INHA: variants seen among roughly 807,000 people sequenced by gnomAD.
The protein encoded by INHA is inhibin subunit alpha.
In INHA, 8 loss-of-function variants were observed where a neutral mutation model predicts 21.3. That is an observed-to-expected ratio of 0.38 (90% CI 0.22 to 0.68). The LOEUF (loss-of-function observed/expected upper bound fraction) is 0.68. Among genes scored for constraint, INHA ranks in the 30% least tolerant of loss-of-function variants. The pLI, the probability that INHA is intolerant of heterozygous loss-of-function variation, is 0.53. For synonymous variants in INHA, 231 were observed against 207.5 expected (o/e 1.11, Z -0.97); for missense variants, 436 against 465.8 (o/e 0.94, Z 0.59).
chr2:219,573,465 T>C (rs1344256915), intron 1 of INHA, among the ~76,000 whole-genome samples: 2 of 152,226 alleles, frequency 1.3e-5, no homozygotes, highest in African/African-American at 4.8e-5. Context: ...AGTGTGAGGA[T>C]GCTAACTACA....
In INHA at chr2:219,574,797, C is replaced by T; in HGVS notation, c.372C>T (p.Arg124=). 1.2e-6 allele frequency: 2 copies of T among 1,614,142 alleles called. No individual in the cohort carries two copies. Among genetic ancestry groups the T allele is most frequent in the Non-Finnish European group, 1.7e-6 (2 of 1,180,010 alleles). ...MFRPSQHTRS[R]QVTSAQLWFH... is the part of the protein sequence containing the mutation. ...GGCCATCCCAGCATACACGCAGCCG[C>T]CAGGTGACTTCAGCCCAGCTGTGGT... Residue 124 remains arginine, a synonymous_variant, in exon 2 of 2, where the codon CGC becomes CGT. Coordinates refer to ENST00000243786, the MANE Select transcript of INHA (RefSeq NM_002191.4).
At position 219,575,036 on chromosome 2, in the gene INHA, C is replaced by T. The variant is rs1419819236; in HGVS notation, c.611C>T (p.Thr204Ile). The T allele has an allele frequency of 1.9e-6, 3 of 1,613,282 alleles. No individual in the cohort carries two copies. Among genetic ancestry groups the T allele is most frequent in the Non-Finnish European group, 2.5e-6 (3 of 1,180,040 alleles). The change falls in exon 2 of 2, where the codon ACC becomes ATC. Residue 204 changes from threonine (T) to isoleucine (I), a missense_variant. Thr to Ile is a moderately conservative substitution (Grantham distance 89, BLOSUM62 -1). Transcript: ENST00000243786. ...LVLLLRCPLCTCSARPEATPF... is the reference protein window; with the variant it reads ...LVLLLRCPLCICSARPEATPF... The stretch of plus-strand genomic sequence containing the variant: ...CTGCTGCTGCGCTGTCCCCTCTGTA[C>T]CTGCTCAGCCCGGCCTGAGGCCACG...
chr2:219,572,750 T>C (rs1697441491), intron 1 of INHA, 108 bp downstream of exon 1: 1 of 1,299,468 alleles, frequency 7.7e-7, no homozygotes, highest in Non-Finnish European at 1.1e-6. Context: ...TGCTACTCAG[T>C]TGCTTTGCAG....
At chr2:219,573,467 C>G (rs1251553212) in intron 1 of INHA, among the ~76,000 whole-genome samples, 1 of 152,102 alleles carries the variant, frequency 6.6e-6, no homozygotes, top group South Asian at 2.1e-4. Flanking sequence ...TGTGAGGATG[C>G]TAACTACACA....
In INHA at chr2:219,572,552, C is replaced by T. The variant is rs980893896; in HGVS notation, c.178C>T (p.Arg60Ter). ...GGACCCTGGAGTCAGGCGGCTGCCCCGAAGACATGCCCTGGGGGGCTTCAC... is the reference window on the plus strand; with the variant it reads ...GGACCCTGGAGTCAGGCGGCTGCCCTGAAGACATGCCCTGGGGGGCTTCAC... ...GGDPGVRRLP[R>*]RHALGGFTHR... The change falls in exon 1 of 2, where the codon CGA (arginine) becomes TGA (stop). Residue 60 changes from arginine to a stop codon, truncating the protein, a stop_gained. Coordinates refer to ENST00000243786, the MANE Select transcript of INHA (RefSeq NM_002191.4). LOFTEE classifies it high-confidence loss of function. 6.4e-7 allele frequency: 1 copy of T among 1,573,446 alleles called. No homozygotes were observed. Among genetic ancestry groups the T allele is most frequent in the Admixed American group, 1.9e-5 (1 of 53,362 alleles).
intron 1 of INHA, among the ~76,000 whole-genome samples, 191 bp downstream of exon 1, chr2:219,572,833 A>T (rs141398564): frequency 6.6e-6 from 1 of 152,354 alleles, no homozygotes; most frequent in Non-Finnish European, 1.5e-5. Flanking sequence ...CCCACCTCTC[A>T]GGATTAAGTG....
rs1394708808 is a variant in INHA at position 219,574,969 on chromosome 2, G to A, written c.544G>A (p.Ala182Thr). ...CCCTCACTGGGCCGTGCTGCACCTG[G>A]CCACCTCTGCTCTCTCTCTGCTGAC... ...APPHWAVLHL[A>T]TSALSLLTHP... The change falls in exon 2 of 2, where the codon GCC becomes ACC. Residue 182 changes from alanine to threonine, a missense_variant. Coordinates refer to ENST00000243786, the MANE Select transcript of INHA (RefSeq NM_002191.4). The A allele has an allele frequency of 6.2e-7, 1 of 1,613,804 alleles. No individual in the cohort carries two copies. The highest frequency in any genetic ancestry group is 8.5e-7 in the Non-Finnish European group (1 of 1,180,020).
intron 1 of INHA, among the ~76,000 whole-genome samples, chr2:219,574,100 G>A (rs1257222757): frequency 2.0e-5 from 3 of 152,022 alleles, no homozygotes; most frequent in South Asian, 2.1e-4. Context: ...GCAACATAGC[G>A]AGACCCTGTC....
chr2:219,574,940 C>G lies in INHA; in HGVS notation c.515C>G (p.Ala172Gly), dbSNP rs1697493235. 6.2e-7 allele frequency: 1 copy of G among 1,614,194 alleles called. No homozygotes were observed. Among genetic ancestry groups the G allele is most frequent in the Non-Finnish European group, 8.5e-7 (1 of 1,180,044 alleles). The change falls in exon 2 of 2, where the codon GCT becomes GGT. Residue 172 changes from alanine (A) to glycine (G), a missense_variant. Transcript: ENST00000243786. Reference sequence around the variant, plus strand: ...GCTGTGCCCATGTCTTTGGGCCATGCTCCCCCTCACTGGGCCGTGCTGCAC... The same window carrying G: ...GCTGTGCCCATGTCTTTGGGCCATGGTCCCCCTCACTGGGCCGTGCTGCAC... ...PVAVPMSLGHAPPHWAVLHLA... is the reference protein window; with the variant it reads ...PVAVPMSLGHGPPHWAVLHLA...
At chr2:219,573,165 G>T (rs576970581) in intron 1 of INHA, among the ~76,000 whole-genome samples, 1 of 152,306 alleles carries the variant, frequency 6.6e-6, no homozygotes, top group African/African-American at 2.4e-5. Flanking sequence ...CTGTGGGTGG[G>T]CTTTCTTGTC....
chr2:219,573,689 T>C (rs1356153552), intron 1 of INHA, among the ~76,000 whole-genome samples: 1 of 151,568 alleles, frequency 6.6e-6, no homozygotes, highest in Non-Finnish European at 1.5e-5. Context: ...TAAAGAGTAA[T>C]ATAGGCCGGG....
chr2:219,574,939 G>C lies in INHA; in HGVS notation c.514G>C (p.Ala172Pro). 1 of 1,614,168 alleles carries C rather than the reference G, an allele frequency of 6.2e-7. No homozygotes were observed. Among genetic ancestry groups the C allele is most frequent in the Non-Finnish European group, 8.5e-7 (1 of 1,180,042 alleles). ...GGCTGTGCCCATGTCTTTGGGCCATGCTCCCCCTCACTGGGCCGTGCTGCA... is the reference window on the plus strand; with the variant it reads ...GGCTGTGCCCATGTCTTTGGGCCATCCTCCCCCTCACTGGGCCGTGCTGCA... Reference protein sequence around the residue: ...PVAVPMSLGHAPPHWAVLHLA... With the variant: ...PVAVPMSLGHPPPHWAVLHLA... Residue 172 changes from alanine to proline, a missense_variant, in exon 2 of 2, where the codon GCT becomes CCT. Physicochemically the swap from Ala to Pro is conservative, Grantham distance 27. Coordinates refer to ENST00000243786, the MANE Select transcript of INHA (RefSeq NM_002191.4).
Position 219,575,109 on chromosome 2 carries a change from G to C in INHA, c.684G>C (p.Glu228Asp), listed in dbSNP as rs762416671. ...GGACCAGACCACCCAGTGGAGGGGA[G>C]AGAGCCCGACGCTCAACTCCCCTGA... ...HTRTRPPSGG[E>D]RARRSTPLMS... The change falls in exon 2 of 2, where the codon GAG becomes GAC. Residue 228 changes from glutamate (E) to aspartate (D), a missense_variant. Coordinates refer to ENST00000243786, the MANE Select transcript of INHA (RefSeq NM_002191.4). 6.2e-7 allele frequency: 1 copy of C among 1,614,120 alleles called. No homozygotes were observed.
rs766743014 is a variant in INHA, at chr2:219,575,530, TG to T, written c.*10del. 3.1e-6 allele frequency: 5 copies of T among 1,607,700 alleles called. No individual in the cohort carries two copies. In the African/African-American group the frequency reaches 4.0e-5, roughly 13 times the overall value. On this transcript the variant is annotated 3_prime_UTR_variant, in exon 2 of 2. Coordinates refer to ENST00000243786, the MANE Select transcript of INHA (RefSeq NM_002191.4). ...GCAGCACTGTGCTTGTATCTAAGGGTGGGGGGTCTTCCTTCTTAATCCCATG... is the reference window on the plus strand; with the variant it reads ...GCAGCACTGTGCTTGTATCTAAGGGTGGGGGTCTTCCTTCTTAATCCCATG...
At chr2:219,572,724 GT>G (rs1441905654) in intron 1 of INHA, 82 bp downstream of exon 1, 1 of 1,469,742 alleles carries the variant, frequency 6.8e-7, no homozygotes, top group African/African-American at 1.4e-5. Flanking sequence ...GCGGACCTGG[GT>G]TTGAATCCTA....
chr2:219,572,719 C>T lies in INHA; in HGVS notation c.268+77C>T, dbSNP rs940311256. 2.0e-6 allele frequency: 3 copies of T among 1,505,808 alleles called. No homozygotes were observed. The African/African-American group carries it at 4.2e-5, about 21-fold the overall frequency. The allele number at this position is 1,505,808 out of a possible 1,614,324, so 93.3% of individuals were successfully genotyped here. A position where few individuals can be genotyped will look rare whatever the true frequency, so the allele number is the denominator to read the frequency against. ...AGCATGGGTTTGCAGGCCAGGCGGA[C>T]CTGGGTTTGAATCCTAGTCCTGCTA... On this transcript the variant is annotated intron_variant, in intron 1 of 1. Transcript: ENST00000243786.
chr2:219,574,297 G>GA lies in INHA; in HGVS notation c.269-395dup, dbSNP rs1553539810. ...CTGTCTCAAAAAAAAAAAAAAAAAA[G>GA]AATATAACAACCATCCATGTAGACA... On this transcript the variant is annotated intron_variant, in intron 1 of 1. Transcript: ENST00000243786. Among the ~76,000 whole-genome samples the GA allele has an allele frequency of 3.5e-5, 5 of 143,134 alleles. 1 individual carries two copies. The highest frequency in any genetic ancestry group is 6.1e-5 in the Non-Finnish European group (4 of 65,846). 93.9% of individuals were successfully genotyped at this position (143,134 alleles called of 152,430 possible).
intron 1 of INHA, 82 bp downstream of exon 1, chr2:219,572,724 G>A: frequency 2.0e-6 from 3 of 1,469,860 alleles, no homozygotes; most frequent in Admixed American, 2.0e-5. Context: ...GCGGACCTGG[G>A]TTTGAATCCT....
rs1356054423 is a variant in INHA, at chr2:219,572,409, C to A, written c.35C>A (p.Thr12Asn). The change falls in exon 1 of 2, where the codon ACC (threonine) becomes AAC (asparagine). Residue 12 changes from threonine to asparagine, a missense_variant. Thr to Asn is a moderately conservative substitution (Grantham distance 65, BLOSUM62 0). Transcript: ENST00000243786. ...CACCTACTGCTCTTCTTGCTGCTGA[C>A]CCCACAGGGTGGGCACAGCTGCCAG... ...VLHLLLFLLL[T>N]PQGGHSCQGL... 1 of 1,614,034 alleles carries A rather than the reference C, an allele frequency of 6.2e-7. No individual in the cohort carries two copies. The highest frequency in any genetic ancestry group is 1.1e-5 in the South Asian group (1 of 91,078).
Sources: gnomAD v4.1 joint callset for allele counts (sites outside exome capture counted in the v4.1 genomes callset) on GRCh38, gnomAD v4.1.1 for gene constraint, MANE v1.5 for transcripts, NCBI Gene and HGNC (gene_info 2026-07-23, HGNC 2026-07-21) for gene names.